Variants in TBL1X observed in about 807,000 individuals in gnomAD.
The protein encoded by TBL1X is F-box-like/WD repeat-containing protein TBL1X.
TBL1X carries 10 observed loss-of-function variants against 50.7 expected under a neutral mutation model. The ratio of observed to expected loss-of-function variants is 0.20; its 90% CI spans 0.12 to 0.33. The LOEUF (loss-of-function observed/expected upper bound fraction) is 0.33, where lower values mean the gene tolerates loss of function less well. Among genes scored for constraint, TBL1X ranks in the 10% least tolerant of loss-of-function variants. The probability of loss-of-function intolerance (pLI) is 1.00; values close to 1 mark genes in which losing one functional copy is unlikely to be tolerated. For synonymous variants in TBL1X, 190 were observed against 214.7 expected (o/e 0.88, Z 1.01); for missense variants, 340 against 504.4 (o/e 0.67, Z 3.12).
At chrX:9,501,439 T>G (rs1292566140) in intron 1 of TBL1X, among the ~76,000 whole-genome samples, 1 of 111,760 alleles carries the variant, frequency 8.9e-6, no homozygotes, top group Non-Finnish European at 1.9e-5. Context: ...GCTTTATGAT[T>G]GAGTTTGGGC....
intron 12 of TBL1X, among the ~76,000 whole-genome samples, chrX:9,701,594 A>AAAAG (rs2083173343): frequency 5.4e-5 from 5 of 91,784 alleles, no homozygotes; most frequent in African/African-American, 2.0e-4. Context: ...AAAAAAAAAA[A>AAAAG]AAGAAGAAGA....
chrX:9,509,845 G>C (rs1156467620), intron 2 of TBL1X, among the ~76,000 whole-genome samples: 1 of 110,801 alleles, frequency 9.0e-6, no homozygotes, highest in East Asian at 2.8e-4. Flanking sequence ...CATTTTCTGA[G>C]TTATCAGAGA....
At chrX:9,531,356 T>G (rs73631491) in intron 2 of TBL1X, among the ~76,000 whole-genome samples, 2,340 of 60,975 alleles carry the variant, frequency 0.038, 31 homozygotes, top group African/African-American at 0.13. Context: ...ACCTGGAGGG[T>G]GTGTGTGTGT....
At chrX:9,578,000 G>A (rs1038945293) in intron 2 of TBL1X, among the ~76,000 whole-genome samples, 3 of 112,276 alleles carry the variant, frequency 2.7e-5, no homozygotes, top group African/African-American at 9.7e-5. Flanking sequence ...TGCCTCTGCA[G>A]TTTTCTCTGA....
chrX:9,585,667 G>A (rs1297885044), intron 2 of TBL1X, among the ~76,000 whole-genome samples: 1 of 111,255 alleles, frequency 9.0e-6, no homozygotes, highest in African/African-American at 3.3e-5. Flanking sequence ...GGTGTTGTGG[G>A]GTTGGCACCT....
At chrX:9,528,583 C>G (rs1191489482) in intron 2 of TBL1X, among the ~76,000 whole-genome samples, 1 of 108,948 alleles carries the variant, frequency 9.2e-6, no homozygotes, top group Admixed American at 9.9e-5. Context: ...ACTCTGGGCC[C>G]CTGGGCAGGT....
rs7062597 is a variant in TBL1X at position 9,692,116 on chromosome X, T to C, written c.753T>C (p.Ser251=). 17,681 of 1,209,626 alleles carry C rather than the reference T, an allele frequency of 0.015. 1,617 individuals carry two copies. In the African/African-American group the frequency reaches 0.27, roughly 18 times the overall value. The change falls in exon 9 of 18, where the codon TCT becomes TCC. Residue 251 remains serine, a synonymous_variant. Transcript: ENST00000645353. ...CTCCTGTGTTTTTATTCTGTAGATCTGGAGACTCAACTGCAAGGATATGGA... is the reference window on the plus strand; with the variant it reads ...CTCCTGTGTTTTTATTCTGTAGATCCGGAGACTCAACTGCAAGGATATGGA... ...NPVSDLLASG[S]GDSTARIWNL... is the part of the protein sequence containing the mutation.
chrX:9,649,541 C>A (rs886256249), intron 3 of TBL1X, among the ~76,000 whole-genome samples: 15 of 111,901 alleles, frequency 1.3e-4, no homozygotes, highest in Admixed American at 3.8e-4. Flanking sequence ...AGCAGAAAGC[C>A]AGAGCTGAAG....
intron 5 of TBL1X, among the ~76,000 whole-genome samples, chrX:9,674,489 T>C (rs1373432110): frequency 8.9e-6 from 1 of 111,735 alleles, no homozygotes; most frequent in Non-Finnish European, 1.9e-5. Context: ...CTCGAACTCC[T>C]GGGCTCAAGC....
Position 9,719,625 on chromosome X carries a change from C to T in TBL1X, c.*3379C>T, listed in dbSNP as rs1203539654. 3.1e-5 allele frequency: 3 copies of T among 96,520 alleles called. No individual in the cohort carries two copies. The highest frequency in any genetic ancestry group is 1.3e-4 in the Admixed American group (1 of 7,997). 8.0% of individuals were successfully genotyped at this position (96,520 alleles called of 1,213,427 possible). On this transcript the variant is annotated 3_prime_UTR_variant, in exon 18 of 18. Transcript: ENST00000645353. ...CCCCCGCCACCTGTACTCACCCTCACGCTCTTTGAAGAAAAAAAAAAAAAT... is the reference window on the plus strand; with the variant it reads ...CCCCCGCCACCTGTACTCACCCTCATGCTCTTTGAAGAAAAAAAAAAAAAT...
chrX:9,469,533 C>G (rs2081799409), intron 1 of TBL1X, among the ~76,000 whole-genome samples: 1 of 112,676 alleles, frequency 8.9e-6, no homozygotes, highest in Non-Finnish European at 1.9e-5. Context: ...CACCATCAGT[C>G]ACGATGGTGT....
At chrX:9,513,789 A>G (rs976306459) in intron 2 of TBL1X, among the ~76,000 whole-genome samples, 12 of 109,445 alleles carry the variant, frequency 1.1e-4, no homozygotes, top group Admixed American at 3.0e-4. Context: ...TATTTGGCAC[A>G]TAGTTCTACA....
chrX:9,704,002 G>GCC (rs2083191426), intron 12 of TBL1X, among the ~76,000 whole-genome samples: 1 of 111,696 alleles, frequency 9.0e-6, no homozygotes, highest in African/African-American at 3.3e-5. Context: ...GGAAGTTGTT[G>GCC]GATTCCCAGC....
chrX:9,621,461 A>T (rs997440181), intron 2 of TBL1X, among the ~76,000 whole-genome samples: 1 of 111,620 alleles, frequency 9.0e-6, no homozygotes, highest in East Asian at 2.8e-4. Flanking sequence ...ATTCTCACTG[A>T]CTCCCCACCT....
intron 2 of TBL1X, among the ~76,000 whole-genome samples, chrX:9,523,903 TTTTTC>T (rs2082118707): frequency 9.0e-6 from 1 of 110,838 alleles, no homozygotes; most frequent in East Asian, 2.8e-4. Context: ...GAATAGTGCT[TTTTTC>T]TTTTCTTTTT....
chrX:9,513,653 T>G (rs2082067820), intron 2 of TBL1X, among the ~76,000 whole-genome samples: 1 of 111,485 alleles, frequency 9.0e-6, no homozygotes, highest in South Asian at 3.7e-4. Context: ...TTTGACAAAG[T>G]CTGGAGACAT....
At chrX:9,527,945 G>C (rs1269526003) in intron 2 of TBL1X, among the ~76,000 whole-genome samples, 1 of 110,826 alleles carries the variant, frequency 9.0e-6, no homozygotes, top group Non-Finnish European at 1.9e-5. Flanking sequence ...CACCACGCCA[G>C]GCTGATTTTT....
rs1453264237 is a variant in TBL1X at position 9,716,587 on chromosome X, A to C, written c.*341A>C. 6.6e-6 allele frequency: 1 copy of C among 150,722 alleles called. No homozygotes were observed. The highest frequency in any genetic ancestry group is 3.2e-5 in the African/African-American group (1 of 31,724). 12.4% of individuals were successfully genotyped at this position (150,722 alleles called of 1,213,427 possible). On this transcript the variant is annotated 3_prime_UTR_variant, in exon 18 of 18. Coordinates refer to ENST00000645353, the MANE Select transcript of TBL1X (RefSeq NM_005647.4). The stretch of plus-strand genomic sequence containing the variant: ...TGGCTGAATGGAAAGAAACGTAAAA[A>C]GCTGTGCCAAAAAAAAAGCAAAATG...
At chrX:9,554,669 C>G (rs2082286787) in intron 2 of TBL1X, among the ~76,000 whole-genome samples, 1 of 112,300 alleles carries the variant, frequency 8.9e-6, no homozygotes, top group Non-Finnish European at 1.9e-5. Context: ...TATATATTGT[C>G]TTTATCATAT....
Sources: allele counts gnomAD v4.1 joint callset (sites outside exome capture counted in the v4.1 genomes callset), GRCh38; gene constraint gnomAD v4.1.1; transcripts MANE v1.5; gene names NCBI Gene and HGNC (gene_info 2026-07-23, HGNC 2026-07-21).